Variants in PTPN6 observed in about 807,000 individuals in gnomAD.
PTPN6 encodes the protein tyrosine-protein phosphatase non-receptor type 6.
A neutral mutation model predicts 81.5 loss-of-function variants in PTPN6; 18 were observed. That is an observed-to-expected ratio of 0.22 (90% CI 0.15 to 0.33). PTPN6 has a LOEUF of 0.33. Ranked by LOEUF, PTPN6 falls within the 10% of genes least tolerant of loss-of-function variation. The pLI is 1.00. For missense variants in PTPN6, 500 were observed against 794.2 expected (o/e 0.63, Z 4.45); for synonymous variants, 301 against 310.9 (o/e 0.97, Z 0.33).
chr12:6,960,413 A>G lies in PTPN6; in HGVS notation c.1651A>G (p.Lys551Glu), dbSNP rs782555031. The G allele has an allele frequency of 1.2e-6, 2 of 1,613,854 alleles. No individual in the cohort carries two copies. The highest frequency in any genetic ancestry group is 1.7e-5 in the Admixed American group (1 of 60,004). ...CCCAGCCATGAAGAATGCCCATGCC[A>G]AGGCCTCCCGCACCTCGTCCAAGTG... ...YPPAMKNAHA[K>E]ASRTSSKHKE... Residue 551 changes from lysine (K) to glutamate (E), a missense_variant, in exon 14 of 16, where the codon AAG becomes GAG. This residue lies in a region of PTPN6 where 56 missense variants were observed against 56.4 expected (regional missense o/e 0.99). Transcript: ENST00000318974. The surrounding 1 kb of genome is among the most constrained non-coding windows in gnomAD (Gnocchi z 6.1).
rs1555147821 is a variant in PTPN6 at position 6,951,860 on chromosome 12, C to T, written c.132-123C>T. The T allele has an allele frequency of 1.3e-6, 2 of 1,564,986 alleles. No individual in the cohort carries two copies. The highest frequency in any genetic ancestry group is 1.4e-5 in the African/African-American group (1 of 73,906). On this transcript the variant is annotated intron_variant, in intron 2 of 15. Transcript: ENST00000318974. This position sits in a 1 kb window ranked among gnomAD's most constrained non-coding sequence, Gnocchi z 7.2. ...TCTGTTCCCTTGCCCCCAACCCCCA[C>T]ACTCCCCATCCCTGTCTGTGCCCAC...
upstream of PTPN6, among the ~76,000 whole-genome samples, chr12:6,948,445 A>AG (rs1159958834): frequency 6.6e-6 from 1 of 151,050 alleles, no homozygotes; most frequent in African/African-American, 2.4e-5. Context: ...AAAAAAAAAA[A>AG]AAAAAGAGAG....
Position 6,955,521 on chromosome 12 carries a change from A to G in PTPN6, c.747+36A>G. On this transcript the variant is annotated intron_variant, in intron 6 of 15. Transcript: ENST00000318974. This position sits in a 1 kb window ranked among gnomAD's most constrained non-coding sequence, Gnocchi z 7.2. The stretch of plus-strand genomic sequence containing the variant: ...GGGACCGGCAGGGCTGGGGCAGCTG[A>G]GGTGGTGGCAGCGGCCTGGGGCCCC... The G allele has an allele frequency of 6.2e-7, 1 of 1,602,390 alleles. No homozygotes were observed.
At position 6,959,128 on chromosome 12, in the gene PTPN6, G is replaced by A. The variant is rs191726206; in HGVS notation, c.1362-799G>A. Among the ~76,000 whole-genome samples the A allele has an allele frequency of 3.9e-5, 6 of 152,310 alleles. No homozygotes were observed. Among genetic ancestry groups the A allele is most frequent in the Admixed American group, 2.6e-4 (4 of 15,304 alleles). On this transcript the variant is annotated intron_variant, in intron 11 of 15. Coordinates refer to ENST00000318974, the MANE Select transcript of PTPN6 (RefSeq NM_002831.6). This position sits in a 1 kb window ranked among gnomAD's most constrained non-coding sequence, Gnocchi z 6.6. ...GTCGGCTGAATCTAGAGGTGCCCCC[G>A]ATGGGCTGTCCGGGGACGCGGCTCT...
chr12:6,959,679 G>T lies in PTPN6; in HGVS notation c.1362-248G>T. 1.7e-6 allele frequency: 1 copy of T among 594,774 alleles called. No individual in the cohort carries two copies. The highest frequency in any genetic ancestry group is 3.0e-6 in the Non-Finnish European group (1 of 333,110). 36.8% of individuals were successfully genotyped at this position (594,774 alleles called of 1,614,324 possible). On this transcript the variant is annotated intron_variant, in intron 11 of 15. Coordinates refer to ENST00000318974, the MANE Select transcript of PTPN6 (RefSeq NM_002831.6). The surrounding 1 kb of genome is among the most constrained non-coding windows in gnomAD (Gnocchi z 6.6). ...TAGGAGTGAGGAGTCGGCGCGAGGA[G>T]TGGAGGAGGGAAGGATGGTGGCAGC...
At chr12:6,946,908 C>T (rs74789997), upstream of PTPN6, among the ~76,000 whole-genome samples, 2 of 152,126 alleles carry the variant, frequency 1.3e-5, no homozygotes, top group African/African-American at 2.4e-5. Context: ...TGAGGACCCC[C>T]GGCTCACTCA....
rs1055001823 is a variant in PTPN6 at position 6,955,058 on chromosome 12, G to A, written c.516+64G>A. On this transcript the variant is annotated intron_variant, in intron 4 of 15. Transcript: ENST00000318974. This position sits in a 1 kb window ranked among gnomAD's most constrained non-coding sequence, Gnocchi z 7.2. ...TCCTGTCTGTGACCACAGTGTGGGT[G>A]GCAGGGAGGGTCTGCCTGGGCTTGA... 35 of 1,608,876 alleles carry A rather than the reference G, an allele frequency of 2.2e-5. No individual in the cohort carries two copies. The highest frequency in any genetic ancestry group is 2.9e-5 in the Non-Finnish European group (34 of 1,175,414).
chr12:6,955,151 G>A lies in PTPN6; in HGVS notation c.517G>A (p.Gly173Ser), dbSNP rs1555148370. Residue 173 changes from glycine to serine, a missense_variant and splice_region_variant, in exon 5 of 16, where the codon GGT becomes AGT. This residue lies in a region of PTPN6 where 96 missense variants were observed against 137.3 expected (regional missense o/e 0.70). Transcript: ENST00000318974. The surrounding 1 kb of genome is among the most constrained non-coding windows in gnomAD (Gnocchi z 7.2). ...AATGGCCTAATTTGGCTCCCCCCAGGGTGGACGCTACACAGTGGGTGGTTT... is the reference window on the plus strand; with the variant it reads ...AATGGCCTAATTTGGCTCCCCCCAGAGTGGACGCTACACAGTGGGTGGTTT... ...RVTHIKVMCE[G>S]GRYTVGGLET... is the part of the protein sequence containing the mutation. 6.2e-7 allele frequency: 1 copy of A among 1,614,086 alleles called. No individual in the cohort carries two copies. Among genetic ancestry groups the A allele is most frequent in the South Asian group, 1.1e-5 (1 of 91,078 alleles).
upstream of PTPN6, chr12:6,946,689 C>T (rs782778772): frequency 4.1e-5 from 65 of 1,595,256 alleles, no homozygotes; most frequent in Non-Finnish European, 5.3e-5. Flanking sequence ...CCGCCCCCTG[C>T]GGCCCTCTGC....
In PTPN6 at chr12:6,957,766, AG is replaced by A; in HGVS notation, c.1189del (p.Val397SerfsTer9). On this transcript the variant is annotated frameshift_variant, in exon 10 of 16. Transcript: ENST00000318974. LOFTEE classifies it high-confidence loss of function. The surrounding 1 kb of genome is among the most constrained non-coding windows in gnomAD (Gnocchi z 6.5). ...DTTEYKLRTL[Q>X]VSPLDNGDLI... ...ACCGAATACAAACTCCGTACCTTAC[AG>A]GTCTCCCCGCTGGACAATGTGAGTG... 6.2e-7 allele frequency: 1 copy of A among 1,614,158 alleles called. No individual in the cohort carries two copies. The highest frequency in any genetic ancestry group is 8.5e-7 in the Non-Finnish European group (1 of 1,180,018).
At position 6,951,394 on chromosome 12, in the gene PTPN6, G is replaced by T. The variant is rs1318729550; in HGVS notation, c.-119G>T. On this transcript the variant is annotated 5_prime_UTR_variant, in exon 1 of 16. Transcript: ENST00000318974. This position sits in a 1 kb window ranked among gnomAD's most constrained non-coding sequence, Gnocchi z 7.2. ...CCCCAGAACTGGGACCACCGGGGGTGGTGAGGCGGCCCGGCACTGGGAGCT... is the reference window on the plus strand; with the variant it reads ...CCCCAGAACTGGGACCACCGGGGGTTGTGAGGCGGCCCGGCACTGGGAGCT... The T allele has an allele frequency of 1.3e-6, 2 of 1,548,096 alleles. No homozygotes were observed. The highest frequency in any genetic ancestry group is 1.2e-5 in the South Asian group (1 of 84,232).
chr12:6,948,023 C>T (rs1945857478), upstream of PTPN6, among the ~76,000 whole-genome samples: 2 of 151,928 alleles, frequency 1.3e-5, no homozygotes, highest in African/African-American at 2.4e-5. Flanking sequence ...AGGTGGCGCA[C>T]GTCTGTGATC....
chr12:6,954,698 C>A lies in PTPN6; in HGVS notation c.327-107C>A. The stretch of plus-strand genomic sequence containing the variant: ...GATTTGGAAGCATGTAGCGCAGTGC[C>A]TGGCACACAGTAGGTGCTTGATTTC... On this transcript the variant is annotated intron_variant, in intron 3 of 15. Transcript: ENST00000318974. The surrounding 1 kb of genome is among the most constrained non-coding windows in gnomAD (Gnocchi z 5.4). 1 of 1,158,938 alleles carries A rather than the reference C, an allele frequency of 8.6e-7. No individual in the cohort carries two copies. Among genetic ancestry groups the A allele is most frequent in the Non-Finnish European group, 1.2e-6 (1 of 804,596 alleles). 71.8% of individuals were successfully genotyped at this position (1,158,938 alleles called of 1,614,324 possible).
Position 6,960,134 on chromosome 12 carries a change from G to A in PTPN6, c.1476G>A (p.Arg492=). 6.2e-7 allele frequency: 1 copy of A among 1,613,778 alleles called. No homozygotes were observed. Among genetic ancestry groups the A allele is most frequent in the Non-Finnish European group, 8.5e-7 (1 of 1,180,018 alleles). ...TCCAGAAGACCATCCAGATGGTGCGGGCGCAGCGCTCGGGCATGGTGCAGA... is the reference window on the plus strand; with the variant it reads ...TCCAGAAGACCATCCAGATGGTGCGAGCGCAGCGCTCGGGCATGGTGCAGA... The part of the protein sequence containing the change: ...IDIQKTIQMV[R]AQRSGMVQTE... Residue 492 remains arginine (R), a synonymous_variant, in exon 13 of 16, where the codon CGG becomes CGA. Coordinates refer to ENST00000318974, the MANE Select transcript of PTPN6 (RefSeq NM_002831.6). The surrounding 1 kb of genome is among the most constrained non-coding windows in gnomAD (Gnocchi z 6.1).
At chr12:6,947,436 G>A (rs1945843717), upstream of PTPN6, among the ~76,000 whole-genome samples, 1 of 152,202 alleles carries the variant, frequency 6.6e-6, no homozygotes, top group African/African-American at 2.4e-5. Flanking sequence ...GTGGGAGGCT[G>A]AGGCGAGAGG....
chr12:6,957,831 GA>G lies in PTPN6; in HGVS notation c.1206+47del. The G allele has an allele frequency of 6.2e-7, 1 of 1,614,032 alleles. No individual in the cohort carries two copies. The highest frequency in any genetic ancestry group is 8.5e-7 in the Non-Finnish European group (1 of 1,179,990). On this transcript the variant is annotated intron_variant, in intron 10 of 15. Transcript: ENST00000318974. The surrounding 1 kb of genome is among the most constrained non-coding windows in gnomAD (Gnocchi z 6.5). Reference sequence around the variant, plus strand: ...GCCCCATTCCGGGAGTCCCTCCCTGGACTTGTTCTCCTCTCTGGTCGGGTAG... The same window carrying G: ...GCCCCATTCCGGGAGTCCCTCCCTGGCTTGTTCTCCTCTCTGGTCGGGTAG...
rs371502084 is a variant in PTPN6, at chr12:6,958,041, G to C, written c.1329G>C (p.Leu443=). The C allele has an allele frequency of 1.2e-6, 2 of 1,612,930 alleles. No homozygotes were observed. ...LDQINQRQES[L]PHAGPIIVHC... is the part of the protein sequence containing the mutation. Reference sequence around the variant, plus strand: ...AGATCAACCAGCGGCAGGAAAGTCTGCCTCACGCAGGGCCCATCATCGTGC... The same window carrying C: ...AGATCAACCAGCGGCAGGAAAGTCTCCCTCACGCAGGGCCCATCATCGTGC... Residue 443 remains leucine, a synonymous_variant, in exon 11 of 16, where the codon CTG becomes CTC. Transcript: ENST00000318974.
Position 6,955,344 on chromosome 12 carries a change from G to A in PTPN6, c.634-28G>A. On this transcript the variant is annotated intron_variant, in intron 5 of 15. Coordinates refer to ENST00000318974, the MANE Select transcript of PTPN6 (RefSeq NM_002831.6). The surrounding 1 kb of genome is among the most constrained non-coding windows in gnomAD (Gnocchi z 7.2). ...TGTGAGCTTCTGGGATCTCTGAGTT[G>A]CTGACTTCTCGCTCTTCCCCACCCC... 6.2e-7 allele frequency: 1 copy of A among 1,612,176 alleles called. No homozygotes were observed. Among genetic ancestry groups the A allele is most frequent in the Non-Finnish European group, 8.5e-7 (1 of 1,178,292 alleles).
In PTPN6 at chr12:6,960,132, C is replaced by A. The variant is rs781904280; in HGVS notation, c.1474C>A (p.Arg492=). 39 of 1,613,630 alleles carry A rather than the reference C, an allele frequency of 2.4e-5. No homozygotes were observed. The highest frequency in any genetic ancestry group is 2.4e-5 in the Non-Finnish European group (28 of 1,180,004). The change falls in exon 13 of 16, where the codon CGG becomes AGG. Residue 492 remains arginine, a synonymous_variant. Coordinates refer to ENST00000318974, the MANE Select transcript of PTPN6 (RefSeq NM_002831.6). This position sits in a 1 kb window ranked among gnomAD's most constrained non-coding sequence, Gnocchi z 6.1. ...IDIQKTIQMV[R]AQRSGMVQTE... The stretch of plus-strand genomic sequence containing the variant: ...CATCCAGAAGACCATCCAGATGGTG[C>A]GGGCGCAGCGCTCGGGCATGGTGCA...
Sources: allele counts gnomAD v4.1 joint callset (sites outside exome capture counted in the v4.1 genomes callset), GRCh38; gene constraint gnomAD v4.1.1; regional missense constraint gnomAD v4.1.1; non-coding constraint Gnocchi (gnomAD v3.1); transcripts MANE v1.5; gene names NCBI Gene and HGNC (gene_info 2026-07-23, HGNC 2026-07-21).